The following SYNE3 variants were observed in gnomAD, a reference collection of about 807,000 sequenced individuals.
SYNE3 encodes nesprin-3.
SYNE3 carries 100 observed loss-of-function variants against 111.2 expected under a neutral mutation model. The ratio of observed to expected loss-of-function variants is 0.90; its 90% CI spans 0.77 to 1.06. SYNE3 has a LOEUF of 1.06. Among genes scored for constraint, SYNE3 ranks in the 50% least tolerant of loss-of-function variants. The pLI is 0.00. For missense variants in SYNE3, 1,160 were observed against 1,240.3 expected (o/e 0.94, Z 0.97); for synonymous variants, 547 against 533.9 (o/e 1.02, Z -0.34).
chr14:95,486,823 T>C (rs902194066), intron 1 of SYNE3, among the ~76,000 whole-genome samples: 4 of 152,140 alleles, frequency 2.6e-5, no homozygotes, highest in African/African-American at 9.7e-5. Flanking sequence ...GTTTTTAAAC[T>C]TCACATAAAA....
intron 6 of SYNE3, among the ~76,000 whole-genome samples, chr14:95,453,222 A>G (rs1249515108): frequency 1.3e-5 from 2 of 152,118 alleles, no homozygotes; most frequent in African/African-American, 4.8e-5. Flanking sequence ...TTGACAAGGC[A>G]CTTGGTACAG....
Position 95,455,737 on chromosome 14 carries a change from G to A in SYNE3, c.790-13C>T. On this transcript the variant is annotated splice_polypyrimidine_tract_variant and intron_variant, in intron 5 of 17. Transcript: ENST00000682763. ...CTTTGGCAATGTCCTGAAGAGGGTA[G>A]AGGGGTGAGGGAAAAACAGGCAGGG... 6.2e-7 allele frequency: 1 copy of A among 1,610,482 alleles called. No homozygotes were observed. Among genetic ancestry groups the A allele is most frequent in the Non-Finnish European group, 8.5e-7 (1 of 1,177,848 alleles).
Position 95,410,389 on chromosome 14 carries a change from T to G in SYNE3, c.*7437A>C, listed in dbSNP as rs1903402762. On this transcript the variant is annotated 3_prime_UTR_variant, in exon 18 of 18. Coordinates refer to ENST00000682763, the MANE Select transcript of SYNE3 (RefSeq NM_152592.6). Reference sequence around the variant, plus strand: ...CTTACTAGAAGAGCCCCCATCTTTTTGGGGCACATGTTCCCAGACTCCTTG... The same window carrying G: ...CTTACTAGAAGAGCCCCCATCTTTTGGGGGCACATGTTCCCAGACTCCTTG... The G allele has an allele frequency of 6.6e-6, 1 of 152,208 alleles. No individual in the cohort carries two copies. Among genetic ancestry groups the G allele is most frequent in the African/African-American group, 2.4e-5 (1 of 41,446 alleles). 9.4% of individuals were successfully genotyped at this position (152,208 alleles called of 1,614,324 possible).
intron 15 of SYNE3, among the ~76,000 whole-genome samples, chr14:95,433,665 T>C (rs1299848274): frequency 6.6e-6 from 1 of 152,232 alleles, no homozygotes; most frequent in Non-Finnish European, 1.5e-5. Context: ...CTTCCAAATA[T>C]GACATTCCAG....
At chr14:95,486,434 C>A (rs1191824691) in intron 1 of SYNE3, among the ~76,000 whole-genome samples, 1 of 152,014 alleles carries the variant, frequency 6.6e-6, no homozygotes, top group South Asian at 2.1e-4. Flanking sequence ...TCCCCGCCAG[C>A]GCCTCATGCC....
chr14:95,444,377 T>C, intron 10 of SYNE3, 108 bp downstream of exon 10: 1 of 1,439,312 alleles, frequency 6.9e-7, no homozygotes, highest in African/African-American at 1.4e-5. Flanking sequence ...TCTAAATTTC[T>C]GGCTCACGGC....
intron 10 of SYNE3, among the ~76,000 whole-genome samples, 192 bp from the exon 11 acceptor site, chr14:95,443,481 A>G (rs1886524705): frequency 6.6e-6 from 1 of 152,162 alleles, no homozygotes; most frequent in South Asian, 2.1e-4. Context: ...GGCTGGAGAG[A>G]TTTTAAAAAT....
chr14:95,503,701 C>T (rs929215448), intron 1 of SYNE3, among the ~76,000 whole-genome samples: 3 of 146,926 alleles, frequency 2.0e-5, no homozygotes, highest in African/African-American at 7.5e-5. Flanking sequence ...TCACTACAGC[C>T]TCGACCTTCT....
chr14:95,497,048 G>A (rs1406220128), intron 1 of SYNE3, among the ~76,000 whole-genome samples: 2 of 152,252 alleles, frequency 1.3e-5, no homozygotes, highest in Non-Finnish European at 2.9e-5. Context: ...GGCCCGAGCT[G>A]GAAGATTAGG....
intron 3 of SYNE3, among the ~76,000 whole-genome samples, chr14:95,467,163 T>G (rs1366385927): frequency 1.3e-5 from 2 of 152,242 alleles, no homozygotes; most frequent in African/African-American, 2.4e-5. Flanking sequence ...CCCATCTCCA[T>G]GCACATCCTT....
At chr14:95,474,147 G>A (rs947138190) in intron 2 of SYNE3, among the ~76,000 whole-genome samples, 4 of 152,006 alleles carry the variant, frequency 2.6e-5, no homozygotes, top group African/African-American at 4.8e-5. Flanking sequence ...AGTGGCTGGA[G>A]CTAAGGCTGG....
chr14:95,421,936 C>A (rs1428466734), intron 17 of SYNE3, among the ~76,000 whole-genome samples: 1 of 152,222 alleles, frequency 6.6e-6, no homozygotes. Context: ...TGAGTCACTT[C>A]CTCCAGGAGA....
intron 3 of SYNE3, among the ~76,000 whole-genome samples, chr14:95,466,897 G>A (rs568176885): frequency 6.6e-6 from 1 of 152,322 alleles, no homozygotes; most frequent in Non-Finnish European, 1.5e-5. Context: ...CCTGCCATGT[G>A]GAATGCTGCC....
At chr14:95,499,690 TAAGTAACCTGCCAA>T (rs1890249851) in intron 1 of SYNE3, among the ~76,000 whole-genome samples, 1 of 152,092 alleles carries the variant, frequency 6.6e-6, no homozygotes, top group African/African-American at 2.4e-5. Flanking sequence ...TCAAAGTGGC[TAAGTAACCTGCCAA>T]AGGTCACACA....
chr14:95,502,883 GCT>G (rs1389868928), intron 1 of SYNE3, among the ~76,000 whole-genome samples: 2 of 152,208 alleles, frequency 1.3e-5, no homozygotes, highest in Non-Finnish European at 2.9e-5. Flanking sequence ...CTAAAGTAGA[GCT>G]CCATGTCGAG....
chr14:95,440,226 C>G, intron 11 of SYNE3, 151 bp from the exon 12 acceptor site: 1 of 808,024 alleles, frequency 1.2e-6, no homozygotes, highest in Admixed American at 3.0e-5. Flanking sequence ...CTGGCCCTTC[C>G]CTCCACACAG....
chr14:95,476,771 G>A (rs1888913421), intron 1 of SYNE3, among the ~76,000 whole-genome samples: 1 of 152,246 alleles, frequency 6.6e-6, no homozygotes, highest in Non-Finnish European at 1.5e-5. Flanking sequence ...ACAATACCTT[G>A]TACAGAGTAA....
intron 1 of SYNE3, among the ~76,000 whole-genome samples, chr14:95,513,470 G>A (rs945709792): frequency 8.5e-5 from 13 of 152,132 alleles, no homozygotes; most frequent in South Asian, 4.2e-4. Context: ...TGGTGTGCCC[G>A]CACCATGCCG....
chr14:95,449,367 T>G (rs1175491527), intron 8 of SYNE3: 2 of 954,782 alleles, frequency 2.1e-6, no homozygotes, highest in African/African-American at 3.5e-5. Flanking sequence ...GGGGAAGATT[T>G]GAAAGGCGGA....
Sources: gnomAD v4.1 joint callset for allele counts (sites outside exome capture counted in the v4.1 genomes callset) on GRCh38, gnomAD v4.1.1 for gene constraint, MANE v1.5 for transcripts, NCBI Gene and HGNC (gene_info 2026-07-23, HGNC 2026-07-21) for gene names.